The following SPTBN5 variants were observed in gnomAD, a reference collection of about 807,000 sequenced individuals.
The protein encoded by SPTBN5 is spectrin beta, non-erythrocytic 5.
In SPTBN5, 513 loss-of-function variants were observed where a neutral mutation model predicts 477.6. The observed-to-expected ratio is 1.07, with a 90% CI of 1.00 to 1.16. The LOEUF is 1.16. Ranked by LOEUF, SPTBN5 falls within the 50% of genes most tolerant of loss-of-function variation. The pLI, the probability that SPTBN5 is intolerant of heterozygous loss-of-function variation, is 0.00. For synonymous variants in SPTBN5, 2,169 were observed against 2,011.7 expected (o/e 1.08, Z -2.09); for missense variants, 5,062 against 4,731.8 (o/e 1.07, Z -2.05).
intron 7 of SPTBN5, among the ~76,000 whole-genome samples, chr15:41,883,759 A>G (rs1470980388): frequency 6.6e-6 from 1 of 152,080 alleles, no homozygotes; most frequent in Non-Finnish European, 1.5e-5. Flanking sequence ...TCAGTTGATG[A>G]AAACTCCATC....
chr15:41,855,525 G>C, intron 54 of SPTBN5, 24 bp downstream of exon 54: 4 of 1,604,028 alleles, frequency 2.5e-6, no homozygotes, highest in Non-Finnish European at 2.6e-6. Context: ...CTGCTCCTTC[G>C]CGGATGGTGT....
In SPTBN5 at chr15:41,860,598, G is replaced by T. The variant is rs2066072612; in HGVS notation, c.7976C>A (p.Ala2659Asp). ...EAQSALGRCQ[A>D]MLLRKEALFR... Reference sequence around the variant, plus strand: ...GAGCCACCACTACCTCAGAAGCATGGCCTGGCACCTGCCCAGGGCACTCTG... The same window carrying T: ...GAGCCACCACTACCTCAGAAGCATGTCCTGGCACCTGCCCAGGGCACTCTG... The change falls in exon 47 of 68, where the codon GCC becomes GAC. Residue 2659 changes from alanine to aspartate, a missense_variant. Transcript: ENST00000320955. 17 of 1,464,644 alleles carry T rather than the reference G, an allele frequency of 1.2e-5. No homozygotes were observed. Among genetic ancestry groups the T allele is most frequent in the Non-Finnish European group, 1.5e-5 (17 of 1,103,228 alleles). 90.7% of individuals were successfully genotyped at this position (1,464,644 alleles called of 1,614,324 possible).
In SPTBN5 at chr15:41,882,695, G is replaced by A. The variant is rs1238021477; in HGVS notation, c.1936C>T (p.Arg646Cys). The change falls in exon 10 of 68, where the codon CGC becomes TGC. Residue 646 changes from arginine (R) to cysteine (C), a missense_variant. Physicochemically the swap from Arg to Cys is radical, Grantham distance 180. Coordinates refer to ENST00000320955, the MANE Select transcript of SPTBN5 (RefSeq NM_016642.4). ...CAGGCTTCCTCCTCCTCACAGTTGC[G>A]CAGGAACTCTGCCCGCTGCAGGGTC... ...EQTLQRAEFL[R>C]NCEEEEAWLK... 2 of 1,609,466 alleles carry A rather than the reference G, an allele frequency of 1.2e-6. No individual in the cohort carries two copies. Among genetic ancestry groups the A allele is most frequent in the Non-Finnish European group, 1.7e-6 (2 of 1,178,254 alleles).
rs776789466 is a variant in SPTBN5, at chr15:41,876,220, T to A, written c.4016A>T (p.His1339Leu). Residue 1339 changes from histidine (H) to leucine (L), a missense_variant, in exon 21 of 68, where the codon CAT becomes CTT. Physicochemically the swap from His to Leu is moderately conservative, Grantham distance 99. Coordinates refer to ENST00000320955, the MANE Select transcript of SPTBN5 (RefSeq NM_016642.4). ...GTTTCTGCGCGCTCCGGAGGGCTCA[T>A]GCGCAGCCATCAGCCCCTTCTCTTC... ...WMEEKGLMAAHEPSGARRNIL... is the reference protein window; with the variant it reads ...WMEEKGLMAALEPSGARRNIL... 5.9e-5 allele frequency: 94 copies of A among 1,603,752 alleles called. No homozygotes were observed. The highest frequency in any genetic ancestry group is 7.9e-5 in the Non-Finnish European group (93 of 1,178,876).
chr15:41,886,388 G>C, intron 6 of SPTBN5, 22 bp from the exon 7 acceptor site: 1 of 1,562,254 alleles, frequency 6.4e-7, no homozygotes, highest in South Asian at 1.2e-5. Flanking sequence ...CATAGGAAGG[G>C]GTCAGGGTCC....
chr15:41,867,783 G>GGA, intron 34 of SPTBN5, 141 bp from the exon 35 acceptor site: 1 of 886,252 alleles, frequency 1.1e-6, no homozygotes, highest in Non-Finnish European at 1.8e-6. Context: ...GTGAGGAGTG[G>GGA]GAGTCCAGGT....
Position 41,854,929 on chromosome 15 carries a change from C to G in SPTBN5, c.9471G>C (p.Leu3157=), listed in dbSNP as rs2140915342. 6.3e-7 allele frequency: 1 copy of G among 1,581,606 alleles called. No individual in the cohort carries two copies. Among genetic ancestry groups the G allele is most frequent in the Admixed American group, 1.9e-5 (1 of 53,432 alleles). ...TCAGGGCATACACCTTGGCCTGGCC[C>G]AGGCTCTGCACTTCCTTTCTGAAAG... ...FDAFRKEVQS[L]GQAKVYALRK... is the part of the protein sequence containing the mutation. Residue 3157 remains leucine (L), a synonymous_variant, in exon 56 of 68, where the codon CTG becomes CTC. Coordinates refer to ENST00000320955, the MANE Select transcript of SPTBN5 (RefSeq NM_016642.4).
At chr15:41,880,910 G>T in intron 13 of SPTBN5, 124 bp downstream of exon 13, 3 of 835,144 alleles carry the variant, frequency 3.6e-6, no homozygotes, top group Non-Finnish European at 5.6e-6. Context: ...CATCTTCTCA[G>T]CCATGATAAA....
chr15:41,893,033 G>C lies in SPTBN5; in HGVS notation c.245C>G (p.Thr82Arg). 3 of 1,611,512 alleles carry C rather than the reference G, an allele frequency of 1.9e-6. No homozygotes were observed. The highest frequency in any genetic ancestry group is 2.5e-6 in the Non-Finnish European group (3 of 1,179,808). The stretch of plus-strand genomic sequence containing the variant: ...GAGGTGGATGCCGTCAGCCAGCTCT[G>C]TGTACAGGTTCCGGATCTTGATGCC... ...QAGIKIRNLY[T>R]ELADGIHLLR... The change falls in exon 3 of 68, where the codon ACA (threonine) becomes AGA (arginine). Residue 82 changes from threonine (T) to arginine (R), a missense_variant. Physicochemically the swap from Thr to Arg is moderately conservative, Grantham distance 71 (BLOSUM62 -1). Coordinates refer to ENST00000320955, the MANE Select transcript of SPTBN5 (RefSeq NM_016642.4).
rs375645263 is a variant in SPTBN5, at chr15:41,870,500, G to A, written c.5508C>T (p.Thr1836=). The stretch of plus-strand genomic sequence containing the variant: ...CTCTGTGAACTCTGAGGGTGGTCTC[G>A]GTGTCTCGGAGCGCGTGGCCTCGGG... ...TQARGHALRD[T]ETTLRVHRDL... Residue 1836 remains threonine (T), a synonymous_variant, in exon 30 of 68, where the codon ACC becomes ACT. Transcript: ENST00000320955. 8.7e-6 allele frequency: 14 copies of A among 1,613,014 alleles called. No homozygotes were observed. The highest frequency in any genetic ancestry group is 3.3e-5 in the Admixed American group (2 of 59,978).
Position 41,862,891 on chromosome 15 carries a change from G to A in SPTBN5, c.7162C>T (p.Gln2388Ter). Reference sequence around the variant, plus strand: ...AGATCTTTCCCACAGTCCAGGGCCTGGATCAGGGCTTCCTGGAGGAGGGGC... The same window carrying A: ...AGATCTTTCCCACAGTCCAGGGCCTAGATCAGGGCTTCCTGGAGGAGGGGC... ...KRIQEKEALI[Q>*]ALDCGKDLES... The change falls in exon 42 of 68, where the codon CAG (glutamine) becomes TAG (stop). Residue 2388 changes from glutamine to a stop codon, truncating the protein, a stop_gained. Coordinates refer to ENST00000320955, the MANE Select transcript of SPTBN5 (RefSeq NM_016642.4). LOFTEE classifies it high-confidence loss of function. 1 of 1,579,626 alleles carries A rather than the reference G, an allele frequency of 6.3e-7. No homozygotes were observed. Among genetic ancestry groups the A allele is most frequent in the Non-Finnish European group, 8.6e-7 (1 of 1,163,446 alleles).
At chr15:41,849,777 G>C in intron 67 of SPTBN5, 92 bp downstream of exon 67, 1 of 1,000,900 alleles carries the variant, frequency 1.0e-6, no homozygotes, top group Middle Eastern at 3.0e-4. Flanking sequence ...GAGTAAGTCT[G>C]AGGCCCAGAA....
chr15:41,890,008 C>T (rs2067260010), intron 4 of SPTBN5, 81 bp downstream of exon 4: 2 of 873,396 alleles, frequency 2.3e-6, no homozygotes, highest in Non-Finnish European at 3.8e-6. Context: ...TTGTGTGGAA[C>T]TTATGAATCC....
chr15:41,874,141 C>G, intron 24 of SPTBN5, 96 bp from the exon 25 acceptor site: 1 of 1,509,916 alleles, frequency 6.6e-7, no homozygotes, highest in Non-Finnish European at 8.9e-7. Context: ...ATGGCAAGAC[C>G]CCCAGGGTCA....
chr15:41,849,190 C>CCTGAA (rs1350696422), intron 67 of SPTBN5, among the ~76,000 whole-genome samples: 1 of 152,218 alleles, frequency 6.6e-6, no homozygotes, highest in Non-Finnish European at 1.5e-5. Context: ...CCCTGGAGAG[C>CCTGAA]CTGAAGCCCT....
At chr15:41,871,747 C>T in intron 28 of SPTBN5, 35 bp downstream of exon 28, 6 of 1,507,346 alleles carry the variant, frequency 4.0e-6, no homozygotes, top group Non-Finnish European at 5.3e-6. Flanking sequence ...GGCTCTGCCT[C>T]AGGGCACCCT....
rs990964555 is a variant in SPTBN5 at position 41,850,943 on chromosome 15, G to GCA, written c.10836-6_10836-5dup. 8.3e-6 allele frequency: 13 copies of GCA among 1,559,130 alleles called. No homozygotes were observed. The highest frequency in any genetic ancestry group is 1.1e-5 in the Non-Finnish European group (13 of 1,162,740). ...GATCTCTGCCCCACTGGTCAGCCTGGCACCCACAGTCACAGGTCAAACTCC... is the reference window on the plus strand; with the variant it reads ...GATCTCTGCCCCACTGGTCAGCCTGGCACACCCACAGTCACAGGTCAAACTCC... On this transcript the variant is annotated splice_region_variant and splice_polypyrimidine_tract_variant and intron_variant, in intron 65 of 67. Coordinates refer to ENST00000320955, the MANE Select transcript of SPTBN5 (RefSeq NM_016642.4).
At chr15:41,871,717 G>T (rs931192919) in intron 28 of SPTBN5, 65 bp downstream of exon 28, 1 of 1,443,884 alleles carries the variant, frequency 6.9e-7, no homozygotes, top group Non-Finnish European at 9.1e-7. Flanking sequence ...CCCCGCCAGA[G>T]CCAGCTTCCC....
rs762845778 is a variant in SPTBN5 at position 41,879,794 on chromosome 15, C to T, written c.2882G>A (p.Arg961Lys). The change falls in exon 15 of 68, where the codon AGG (arginine) becomes AAG (lysine). Residue 961 changes from arginine to lysine, a missense_variant. Physicochemically the swap from Arg to Lys is conservative, Grantham distance 26. Coordinates refer to ENST00000320955, the MANE Select transcript of SPTBN5 (RefSeq NM_016642.4). ...AEVSSSAEQL[R>K]QRYPGNSTQI... ...TGTGGAGTTCCCAGGATATCTCTGC[C>T]TCAGTTGCTCAGCAGAGCTGCTGAC... 5 of 1,613,970 alleles carry T rather than the reference C, an allele frequency of 3.1e-6. No homozygotes were observed. The highest frequency in any genetic ancestry group is 2.2e-5 in the East Asian group (1 of 44,892).
Sources: allele counts gnomAD v4.1 joint callset (sites outside exome capture counted in the v4.1 genomes callset), GRCh38; gene constraint gnomAD v4.1.1; transcripts MANE v1.5; gene names NCBI Gene and HGNC (gene_info 2026-07-23, HGNC 2026-07-21).